Variants in MGA observed in about 807,000 individuals in gnomAD.
MGA encodes MAX dimerization protein MGA.
In MGA, 40 loss-of-function variants were observed where a neutral mutation model predicts 261.1. That is an observed-to-expected ratio of 0.15 (90% CI 0.12 to 0.20). The LOEUF (loss-of-function observed/expected upper bound fraction) is 0.20. Among genes scored for constraint, MGA ranks in the 10% least tolerant of loss-of-function variants. The pLI, the probability that MGA is intolerant of heterozygous loss-of-function variation, is 1.00. For missense variants in MGA, 3,397 were observed against 3,630.5 expected (o/e 0.94, Z 1.65); for synonymous variants, 1,302 against 1,290.6 (o/e 1.01, Z -0.19).
intron 1 of MGA, among the ~76,000 whole-genome samples, chr15:41,650,480 C>T (rs1363284838): frequency 6.6e-6 from 1 of 152,088 alleles, no homozygotes; most frequent in African/African-American, 2.4e-5. Flanking sequence ...TTCCATCACC[C>T]AGGCTGGAGT....
chr15:41,710,352 G>C (rs2060327629), intron 7 of MGA, among the ~76,000 whole-genome samples: 1 of 152,134 alleles, frequency 6.6e-6, no homozygotes, highest in South Asian at 2.1e-4. Flanking sequence ...TAATATCTGA[G>C]ACTCATTCTC....
At chr15:41,672,064 A>C (rs1459223097) in intron 2 of MGA, among the ~76,000 whole-genome samples, 1 of 152,230 alleles carries the variant, frequency 6.6e-6, no homozygotes, top group Non-Finnish European at 1.5e-5. Context: ...ATCCAGAAAC[A>C]GTTTATTGTA....
chr15:41,723,795 A>G (rs926230132), intron 9 of MGA, among the ~76,000 whole-genome samples: 5 of 152,180 alleles, frequency 3.3e-5, no homozygotes, highest in Non-Finnish European at 7.3e-5. Context: ...CTCTCAGTCA[A>G]ATCCTTTTAT....
chr15:41,740,306 G>A lies in MGA; in HGVS notation c.4585+103G>A, dbSNP rs944365310. 4.3e-5 allele frequency: 54 copies of A among 1,247,132 alleles called. No homozygotes were observed. The African/African-American group carries it at 4.4e-4, about 10-fold the overall frequency. The allele number at this position is 1,247,132 out of a possible 1,614,324, so 77.3% of individuals were successfully genotyped here. A position where few individuals can be genotyped will look rare whatever the true frequency, so the allele number is the denominator to read the frequency against. On this transcript the variant is annotated intron_variant, in intron 14 of 23. Coordinates refer to ENST00000219905, the MANE Select transcript of MGA (RefSeq NM_001164273.2). Reference sequence around the variant, plus strand: ...AAAAATTAGAGAAATATGTACTTTGGCATTATTCTTATTCTTGTTGTCTGT... The same window carrying A: ...AAAAATTAGAGAAATATGTACTTTGACATTATTCTTATTCTTGTTGTCTGT...
intron 2 of MGA, among the ~76,000 whole-genome samples, chr15:41,678,330 A>G (rs1267662193): frequency 1.3e-5 from 2 of 151,552 alleles, no homozygotes; most frequent in African/African-American, 4.8e-5. Flanking sequence ...ACCTCAAGTG[A>G]TCTGCCCGCC....
chr15:41,722,077 G>T (rs1019497490), intron 9 of MGA, among the ~76,000 whole-genome samples: 2 of 149,988 alleles, frequency 1.3e-5, no homozygotes, highest in Non-Finnish European at 3.0e-5. Context: ...CCAGGTAAAA[G>T]AATGTATCTT....
intron 11 of MGA, 142 bp from the exon 12 acceptor site, chr15:41,734,380 G>A: frequency 2.9e-6 from 2 of 686,930 alleles, no homozygotes; most frequent in Admixed American, 5.7e-5. Flanking sequence ...TAACGTAGAT[G>A]TGCATGTGGA....
At chr15:41,673,540 CTTTTTTTT>C (rs777334913) in intron 2 of MGA, among the ~76,000 whole-genome samples, 17 of 118,940 alleles carry the variant, frequency 1.4e-4, no homozygotes, top group Non-Finnish European at 1.9e-4. Flanking sequence ...TTCTTTCTTT[CTTTTTTTT>C]TTTTTTTTTT....
intron 1 of MGA, among the ~76,000 whole-genome samples, chr15:41,624,509 AT>A (rs1305999342): frequency 8.6e-5 from 13 of 151,998 alleles, no homozygotes; most frequent in African/African-American, 3.1e-4. Context: ...TAATTTTTGT[AT>A]TTTTAGTAGA....
intron 2 of MGA, among the ~76,000 whole-genome samples, chr15:41,677,298 C>T (rs1199887052): frequency 6.6e-6 from 1 of 152,160 alleles, no homozygotes; most frequent in Non-Finnish European, 1.5e-5. Flanking sequence ...CGTGCCACCG[C>T]ACCCAGCTAA....
rs761808338 is a variant in MGA at position 41,710,792 on chromosome 15, G to A, written c.2527G>A (p.Gly843Ser). The A allele has an allele frequency of 1.9e-6, 3 of 1,613,834 alleles. No individual in the cohort carries two copies. In the East Asian group the frequency reaches 6.7e-5, roughly 36 times the overall value. Residue 843 changes from glycine (G) to serine (S), a missense_variant, in exon 8 of 24, where the codon GGT becomes AGT. Gly to Ser is a moderately conservative substitution (Grantham distance 56, BLOSUM62 0). Coordinates refer to ENST00000219905, the MANE Select transcript of MGA (RefSeq NM_001164273.2). ...AGGCAAGCTGATGGAAACAAGCATG[G>A]GTTTTTCTTCTAATGCTCCCACATC...
At chr15:41,756,780 G>A (rs2063172809) in intron 18 of MGA, among the ~76,000 whole-genome samples, 1 of 152,080 alleles carries the variant, frequency 6.6e-6, no homozygotes, top group Non-Finnish European at 1.5e-5. Context: ...TTTTTGTAGA[G>A]ACGGAGTCTT....
At chr15:41,722,406 G>A (rs777165160) in intron 9 of MGA, among the ~76,000 whole-genome samples, 1 of 152,134 alleles carries the variant, frequency 6.6e-6, no homozygotes, top group Admixed American at 6.5e-5. Context: ...TGGGATTGCA[G>A]GTGTGAGCCA....
At chr15:41,660,681 C>T (rs1303975853) in intron 1 of MGA, among the ~76,000 whole-genome samples, 156 bp downstream of exon 1, 3 of 152,214 alleles carry the variant, frequency 2.0e-5, no homozygotes, top group African/African-American at 7.2e-5. Flanking sequence ...GCAGGGCCGC[C>T]TTTGGCGCGC....
chr15:41,728,733 T>C (rs1212111116), intron 10 of MGA, among the ~76,000 whole-genome samples: 1 of 152,206 alleles, frequency 6.6e-6, no homozygotes, highest in Non-Finnish European at 1.5e-5. Flanking sequence ...AGTTCAAACC[T>C]GTGTTATTCA....
chr15:41,684,965 G>C (rs1451178440), intron 2 of MGA, among the ~76,000 whole-genome samples: 2 of 152,068 alleles, frequency 1.3e-5, no homozygotes, highest in African/African-American at 4.8e-5. Flanking sequence ...AAAAATTATT[G>C]AGTTAACACT....
At chr15:41,672,866 G>GCACACA (rs5812197) in intron 2 of MGA, among the ~76,000 whole-genome samples, 9,060 of 150,378 alleles carry the variant, frequency 0.06, 306 homozygotes, top group Middle Eastern at 0.17. Context: ...ACATGCGTGT[G>GCACACA]CACACACACA....
chr15:41,744,431 C>T (rs1394473935), intron 15 of MGA, among the ~76,000 whole-genome samples: 1 of 152,016 alleles, frequency 6.6e-6, no homozygotes, highest in East Asian at 1.9e-4. Flanking sequence ...TCTCAGTCTC[C>T]GTGATCTTCC....
Position 41,669,389 on chromosome 15 carries a change from A to T in MGA, c.495A>T (p.Thr165=). 1.9e-6 allele frequency: 3 copies of T among 1,613,998 alleles called. No homozygotes were observed. Among genetic ancestry groups the T allele is most frequent in the Non-Finnish European group, 2.5e-6 (3 of 1,179,880 alleles). The change falls in exon 2 of 24, where the codon ACA becomes ACT. Residue 165 remains threonine, a synonymous_variant. Transcript: ENST00000219905. The stretch of plus-strand genomic sequence containing the variant: ...TCATTCATCCAGAATCTCCTTCCAC[A>T]GGTCATTATTGGATGCATCAACCAG...
Sources: gnomAD v4.1 joint callset for allele counts (sites outside exome capture counted in the v4.1 genomes callset) on GRCh38, gnomAD v4.1.1 for gene constraint, MANE v1.5 for transcripts, NCBI Gene and HGNC (gene_info 2026-07-23, HGNC 2026-07-21) for gene names.